Variants in ARHGAP15 observed in about 807,000 individuals in gnomAD.
The protein encoded by ARHGAP15 is Rho GTPase activating protein 15, also known as rho GTPase-activating protein 15.
In ARHGAP15, 51 loss-of-function variants were observed where a neutral mutation model predicts 63.7. The ratio of observed to expected loss-of-function variants is 0.80; its 90% CI spans 0.64 to 1.01. ARHGAP15 has a LOEUF of 1.01. Ranked by LOEUF, ARHGAP15 falls within the 50% of genes least tolerant of loss-of-function variation. The pLI is 0.00. For missense variants in ARHGAP15, 560 were observed against 564.6 expected (o/e 0.99, Z 0.08); for synonymous variants, 191 against 193.8 (o/e 0.99, Z 0.12).
At chr2:143,484,553 A>T (rs1487478103) in intron 8 of ARHGAP15, among the ~76,000 whole-genome samples, 1 of 152,008 alleles carries the variant, frequency 6.6e-6, no homozygotes, top group Non-Finnish European at 1.5e-5. Flanking sequence ...ATAAATAATA[A>T]AAATAAAAAT....
intron 6 of ARHGAP15, among the ~76,000 whole-genome samples, chr2:143,421,374 T>C (rs942053028): frequency 5.9e-5 from 9 of 151,918 alleles, no homozygotes; most frequent in African/African-American, 1.9e-4. Flanking sequence ...CATATGAAGA[T>C]ATTTTGAAGC....
chr2:143,527,649 A>T (rs1411667594), intron 10 of ARHGAP15, among the ~76,000 whole-genome samples: 1 of 152,084 alleles, frequency 6.6e-6, no homozygotes, highest in Non-Finnish European at 1.5e-5. Flanking sequence ...ATAATGTCCT[A>T]TATCTAGGGT....
chr2:143,560,932 A>G (rs1695994977), intron 11 of ARHGAP15, among the ~76,000 whole-genome samples: 1 of 152,198 alleles, frequency 6.6e-6, no homozygotes, highest in African/African-American at 2.4e-5. Flanking sequence ...CATTTTGCTG[A>G]TACAGCTCTT....
chr2:143,482,016 G>C (rs997542450), intron 8 of ARHGAP15, among the ~76,000 whole-genome samples: 2 of 152,128 alleles, frequency 1.3e-5, no homozygotes, highest in African/African-American at 4.8e-5. Flanking sequence ...ATTTGTTCAG[G>C]CTTGACAGAA....
At chr2:143,410,709 A>G (rs1688405139) in intron 6 of ARHGAP15, among the ~76,000 whole-genome samples, 1 of 152,184 alleles carries the variant, frequency 6.6e-6, no homozygotes, top group Non-Finnish European at 1.5e-5. Flanking sequence ...TTGCTATGAC[A>G]ACAAGAAAAT....
intron 8 of ARHGAP15, among the ~76,000 whole-genome samples, chr2:143,477,748 G>A (rs1273491440): frequency 6.6e-6 from 1 of 152,064 alleles, no homozygotes; most frequent in Non-Finnish European, 1.5e-5. Flanking sequence ...GAAAGAAATG[G>A]CATTAGCAAT....
rs543141893 is a variant in ARHGAP15, at chr2:143,215,782, T to G, written c.235-602T>G. ...ACTTGTTGAATTTCCTTTAAGAAAC[T>G]TGCAGCTCTATTAGAAATGAAAGCC... On this transcript the variant is annotated intron_variant, in intron 3 of 13. Coordinates refer to ENST00000295095, the MANE Select transcript of ARHGAP15 (RefSeq NM_018460.4). Among the ~76,000 whole-genome samples the G allele has an allele frequency of 2.6e-5, 4 of 152,300 alleles. No individual in the cohort carries two copies. In the South Asian group the frequency reaches 8.3e-4, roughly 32 times the overall value.
chr2:143,245,688 G>C (rs1355667474), intron 5 of ARHGAP15, among the ~76,000 whole-genome samples: 4 of 151,994 alleles, frequency 2.6e-5, no homozygotes, highest in Non-Finnish European at 4.4e-5. Context: ...TTGAGGGGGA[G>C]AAAGTAGAAC....
At chr2:143,161,670 C>T (rs183802341) in intron 2 of ARHGAP15, among the ~76,000 whole-genome samples, 31 of 151,910 alleles carry the variant, frequency 2.0e-4, no homozygotes, top group Non-Finnish European at 2.8e-4. Flanking sequence ...AATACTGCTT[C>T]CAATTCTATA....
intron 10 of ARHGAP15, among the ~76,000 whole-genome samples, chr2:143,529,200 C>A (rs1477229987): frequency 6.6e-6 from 1 of 152,120 alleles, no homozygotes; most frequent in Admixed American, 6.6e-5. Context: ...CGCAGCATTA[C>A]AATCTATATT....
intron 11 of ARHGAP15, among the ~76,000 whole-genome samples, chr2:143,560,727 G>A (rs1695986510): frequency 1.3e-5 from 2 of 152,134 alleles, no homozygotes; most frequent in African/African-American, 2.4e-5. Flanking sequence ...AAACATCACA[G>A]TTAGGAAGAA....
rs1689636771 is a variant in ARHGAP15, at chr2:143,436,899, T to C, written c.574-14T>C. ...CTAGTAAAATTATTCAGTCTAATTA[T>C]TTGCTGTTTCCAGCCAAAGGATTCA... On this transcript the variant is annotated splice_polypyrimidine_tract_variant and intron_variant, in intron 7 of 13. Transcript: ENST00000295095. 2 of 1,603,890 alleles carry C rather than the reference T, an allele frequency of 1.2e-6. No homozygotes were observed. Among genetic ancestry groups the C allele is most frequent in the Non-Finnish European group, 1.7e-6 (2 of 1,177,274 alleles).
chr2:143,674,323 A>C (rs1489517798), intron 12 of ARHGAP15, among the ~76,000 whole-genome samples: 1 of 152,200 alleles, frequency 6.6e-6, no homozygotes. Flanking sequence ...ATTGACTACA[A>C]TATGGATGAA....
At chr2:143,401,053 T>C (rs903819958) in intron 6 of ARHGAP15, among the ~76,000 whole-genome samples, 2 of 152,042 alleles carry the variant, frequency 1.3e-5, no homozygotes, top group Non-Finnish European at 2.9e-5. Flanking sequence ...TCATATAATA[T>C]TCTGTTACCA....
intron 6 of ARHGAP15, among the ~76,000 whole-genome samples, chr2:143,287,310 G>A (rs1011994106): frequency 5.3e-5 from 8 of 152,026 alleles, no homozygotes; most frequent in Admixed American, 1.3e-4. Flanking sequence ...ATCTGTTCTC[G>A]TACTACTTAG....
At chr2:143,220,277 C>T (rs1432353539) in intron 4 of ARHGAP15, among the ~76,000 whole-genome samples, 2 of 152,088 alleles carry the variant, frequency 1.3e-5, no homozygotes, top group Admixed American at 6.6e-5. Flanking sequence ...GGCTGGAGTG[C>T]AGTGATGCCA....
intron 4 of ARHGAP15, chr2:143,228,002 C>T (rs1693285116): frequency 6.6e-6 from 1 of 152,054 alleles, no homozygotes; most frequent in Non-Finnish European, 1.5e-5. Context: ...TGTGATTATC[C>T]CTAGATGTTA....
chr2:143,261,969 G>C (rs751979229), intron 6 of ARHGAP15, among the ~76,000 whole-genome samples: 23 of 152,086 alleles, frequency 1.5e-4, no homozygotes, highest in Non-Finnish European at 3.2e-4. Context: ...GTTGCCTCTG[G>C]GTGGGGATAA....
chr2:143,332,557 C>T (rs1404221760), intron 6 of ARHGAP15, among the ~76,000 whole-genome samples: 1 of 152,078 alleles, frequency 6.6e-6, no homozygotes, highest in Non-Finnish European at 1.5e-5. Flanking sequence ...CTTCCCAATG[C>T]ATGTGGCTTT....
Sources: allele counts gnomAD v4.1 joint callset (sites outside exome capture counted in the v4.1 genomes callset), GRCh38; gene constraint gnomAD v4.1.1; transcripts MANE v1.5; gene names NCBI Gene and HGNC (gene_info 2026-07-23, HGNC 2026-07-21).